Variants in ABI3BP observed in about 807,000 individuals in gnomAD.
ABI3BP encodes ABI family member 3 binding protein, also known as target of Nesh-SH3.
In ABI3BP, 216 loss-of-function variants were observed where a neutral mutation model predicts 268.6. The observed-to-expected ratio is 0.80, with a 90% CI of 0.72 to 0.90. The LOEUF (loss-of-function observed/expected upper bound fraction) is 0.90, where lower values mean the gene tolerates loss of function less well. ABI3BP is among the 40% of genes least tolerant of loss of function. The probability of loss-of-function intolerance (pLI) is 0.00; values close to 1 mark genes in which losing one functional copy is unlikely to be tolerated. For synonymous variants in ABI3BP, 730 were observed against 730.0 expected (o/e 1.00, Z 0.00); for missense variants, 2,090 against 2,182.4 (o/e 0.96, Z 0.84).
chr3:100,760,130 T>G (rs573193687), intron 63 of ABI3BP, among the ~76,000 whole-genome samples: 127 of 152,326 alleles, frequency 8.3e-4, no homozygotes, highest in Admixed American at 4.2e-3. Context: ...AGTTTCAGTC[T>G]TAGAGGAAGA....
At chr3:100,952,413 T>A (rs1329675373) in intron 1 of ABI3BP, among the ~76,000 whole-genome samples, 1 of 152,190 alleles carries the variant, frequency 6.6e-6, no homozygotes, top group Non-Finnish European at 1.5e-5. Flanking sequence ...ATGATTTTTG[T>A]TAATTAAAAA....
At chr3:100,984,021 C>T (rs921553177) in intron 1 of ABI3BP, among the ~76,000 whole-genome samples, 1 of 152,020 alleles carries the variant, frequency 6.6e-6, no homozygotes, top group Non-Finnish European at 1.5e-5. Context: ...TACTTGCAAC[C>T]TTTAAATTTT....
At chr3:100,956,906 C>T (rs76853313) in intron 1 of ABI3BP, among the ~76,000 whole-genome samples, 2,505 of 152,086 alleles carry the variant, frequency 0.016, 36 homozygotes, top group Non-Finnish European at 0.025. Context: ...GGAAGATAAG[C>T]GAGGAGAAAA....
rs1289612650 is a variant in ABI3BP, at chr3:100,752,903, G to C, written c.5006C>G (p.Ser1669Cys). Residue 1669 changes from serine (S) to cysteine (C), a missense_variant, in exon 66 of 68, where the codon TCT (serine) becomes TGT (cysteine). Transcript: ENST00000471714. Reference sequence around the variant, plus strand: ...TTGTTTGCCCTTACACTCTGAGTAAGAGTCTGAATTAAAGGGTCTTTCAGT... The same window carrying C: ...TTGTTTGCCCTTACACTCTGAGTAACAGTCTGAATTAAAGGGTCTTTCAGT... ...IWTERPFNSD[S>C]YSECKGKQYV... 6.2e-7 allele frequency: 1 copy of C among 1,613,346 alleles called. No homozygotes were observed. The highest frequency in any genetic ancestry group is 8.5e-7 in the Non-Finnish European group (1 of 1,179,694).
chr3:100,843,278 GT>G (rs1466176143), intron 20 of ABI3BP, among the ~76,000 whole-genome samples: 27 of 152,200 alleles, frequency 1.8e-4, no homozygotes, highest in Non-Finnish European at 3.2e-4. Context: ...GGTTAAAGTT[GT>G]TTTTAAAAGC....
chr3:100,821,623 G>C (rs35610179), intron 38 of ABI3BP, among the ~76,000 whole-genome samples: 1 of 121,858 alleles, frequency 8.2e-6, no homozygotes, highest in African/African-American at 3.1e-5. Context: ...TTTTTTTTGA[G>C]ATGGAGTCTT....
intron 2 of ABI3BP, among the ~76,000 whole-genome samples, chr3:100,922,524 G>T (rs554614159): frequency 2.0e-5 from 1 of 48,954 alleles, no homozygotes; most frequent in Admixed American, 1.9e-4. Context: ...GATGTGATGC[G>T]ATGGTGATGG....
rs772644760 is a variant in ABI3BP at position 100,756,706 on chromosome 3, CTT to C, written c.4851-2017_4851-2016del. Among the ~76,000 whole-genome samples the C allele has an allele frequency of 4.0e-5, 6 of 149,536 alleles. No homozygotes were observed. The South Asian group carries it at 1.3e-3, about 32-fold the overall frequency. On this transcript the variant is annotated intron_variant, in intron 63 of 67. Coordinates refer to ENST00000471714, the MANE Select transcript of ABI3BP (RefSeq NM_001375547.2). ...CTGATTGCTGGAATTGTCTCCATGT[CTT>C]TTTATTTCACAGTTACGTACACTTA...
chr3:100,774,777 C>A, intron 60 of ABI3BP, 104 bp from the exon 61 acceptor site: 1 of 908,538 alleles, frequency 1.1e-6, no homozygotes, highest in South Asian at 1.8e-5. Flanking sequence ...TTCTTGTAAA[C>A]TGCTTGCAGT....
At chr3:100,796,256 G>T (rs1453635569) in intron 52 of ABI3BP, among the ~76,000 whole-genome samples, 153 bp downstream of exon 52, 1 of 151,918 alleles carries the variant, frequency 6.6e-6, no homozygotes, top group East Asian at 1.9e-4. Context: ...TCAACCAGAT[G>T]ATTCAATTTA....
intron 2 of ABI3BP, among the ~76,000 whole-genome samples, 154 bp from the exon 3 acceptor site, chr3:100,902,840 C>A (rs79265689): frequency 0.1 from 15,605 of 152,148 alleles, 1,079 homozygotes; most frequent in Non-Finnish European, 0.15. Context: ...GTTGACACTT[C>A]CTGAGAAGTT....
At chr3:100,777,440 C>T (rs1197618928) in intron 59 of ABI3BP, among the ~76,000 whole-genome samples, 3 of 152,098 alleles carry the variant, frequency 2.0e-5, no homozygotes, top group African/African-American at 7.2e-5. Context: ...CATCAAATAT[C>T]CTCTAAGTGC....
At chr3:100,887,804 C>A (rs538947623) in intron 4 of ABI3BP, among the ~76,000 whole-genome samples, 2 of 151,916 alleles carry the variant, frequency 1.3e-5, no homozygotes, top group Non-Finnish European at 2.9e-5. Context: ...AAGTGTCAAG[C>A]CTAAGCTCTT....
Position 100,947,504 on chromosome 3 carries a change from T to C in ABI3BP, c.80-21023A>G, listed in dbSNP as rs544402545. Among the ~76,000 whole-genome samples the C allele has an allele frequency of 1.1e-3, 169 of 152,288 alleles. 2 individuals are homozygous for C. The highest frequency in any genetic ancestry group is 3.9e-3 in the African/African-American group (164 of 41,576). On this transcript the variant is annotated intron_variant, in intron 1 of 67. Coordinates refer to ENST00000471714, the MANE Select transcript of ABI3BP (RefSeq NM_001375547.2). Reference sequence around the variant, plus strand: ...ATTTTTTTTTCTTGTATTTTAAACCTAGGAGCTACAATGAATTTCCTCACT... The same window carrying C: ...ATTTTTTTTTCTTGTATTTTAAACCCAGGAGCTACAATGAATTTCCTCACT...
chr3:100,777,809 C>T (rs1350722568), intron 59 of ABI3BP, among the ~76,000 whole-genome samples: 1 of 152,174 alleles, frequency 6.6e-6, no homozygotes, highest in Non-Finnish European at 1.5e-5. Flanking sequence ...TTCCGTCACC[C>T]TGAATATTTT....
chr3:100,874,900 G>T lies in ABI3BP; in HGVS notation c.851C>A (p.Thr284Asn), dbSNP rs900872639. 6.2e-7 allele frequency: 1 copy of T among 1,600,344 alleles called. No individual in the cohort carries two copies. The highest frequency in any genetic ancestry group is 8.5e-7 in the Non-Finnish European group (1 of 1,172,174). Residue 284 changes from threonine to asparagine, a missense_variant, in exon 9 of 68, where the codon ACT becomes AAT. Transcript: ENST00000471714. The part of the protein sequence containing the change: ...HLIIPGLNET[T>N]VKLPASLMFE... Reference sequence around the variant, plus strand: ...CATTAGGGATGCAGGAAGTTTTACAGTAGTTTCATTAAGACCTGGAATAAT... The same window carrying T: ...CATTAGGGATGCAGGAAGTTTTACATTAGTTTCATTAAGACCTGGAATAAT...
At position 100,837,326 on chromosome 3, in the gene ABI3BP, G is replaced by T. The variant is rs529193229; in HGVS notation, c.2084-155C>A. 25 of 497,490 alleles carry T rather than the reference G, an allele frequency of 5.0e-5. No individual in the cohort carries two copies. The East Asian group carries it at 5.4e-4, about 11-fold the overall frequency. The allele number at this position is 497,490 out of a possible 1,614,324, so 30.8% of individuals were successfully genotyped here. A position where few individuals can be genotyped will look rare whatever the true frequency, so the allele number is the denominator to read the frequency against. ...GATAGGCTTATTTATTATGTGAGAT[G>T]CTTCTTAGCAAATTAAAATTTTATA... On this transcript the variant is annotated intron_variant, in intron 26 of 67. Transcript: ENST00000471714.
At chr3:100,830,506 G>T in intron 32 of ABI3BP, 72 bp downstream of exon 32, 1 of 1,292,794 alleles carries the variant, frequency 7.7e-7, no homozygotes, top group South Asian at 1.3e-5. Context: ...GAGAAGCTGT[G>T]GTTATGATGG....
chr3:100,881,754 A>G (rs1295683611), intron 6 of ABI3BP, among the ~76,000 whole-genome samples: 1 of 151,870 alleles, frequency 6.6e-6, no homozygotes, highest in East Asian at 1.9e-4. Context: ...TTTATTTTAT[A>G]TAGAAAGAAT....
Sources: gnomAD v4.1 joint callset for allele counts (sites outside exome capture counted in the v4.1 genomes callset) on GRCh38, gnomAD v4.1.1 for gene constraint, MANE v1.5 for transcripts, NCBI Gene and HGNC (gene_info 2026-07-23, HGNC 2026-07-21) for gene names.